The following ZBTB7C variants were observed in gnomAD, a reference collection of about 807,000 sequenced individuals.
The protein encoded by ZBTB7C is zinc finger and BTB domain containing 7C.
A neutral mutation model predicts 25.7 loss-of-function variants in ZBTB7C; 8 were observed. The observed-to-expected ratio is 0.31, with a 90% CI of 0.18 to 0.56. The LOEUF (loss-of-function observed/expected upper bound fraction) is 0.56. ZBTB7C is among the 20% of genes least tolerant of loss of function. ZBTB7C has a pLI of 0.91. For missense variants in ZBTB7C, 824 were observed against 855.2 expected, an observed-to-expected ratio of 0.96 and a Z score of 0.46; for synonymous variants, 394 against 369.0, an observed-to-expected ratio of 1.07 and a Z score of -0.78.
intron 2 of ZBTB7C, among the ~76,000 whole-genome samples, chr18:48,260,628 G>T (rs1412541603): frequency 1.3e-5 from 2 of 152,194 alleles, no homozygotes; most frequent in Non-Finnish European, 2.9e-5. Context: ...CCACTCAAAA[G>T]CTCCCTTCCG....
At chr18:48,264,289 TAA>T (rs2044250266) in intron 2 of ZBTB7C, among the ~76,000 whole-genome samples, 1 of 152,192 alleles carries the variant, frequency 6.6e-6, no homozygotes, top group Non-Finnish European at 1.5e-5. Context: ...GCTCATTGTT[TAA>T]AATGACCACA....
At chr18:48,271,372 A>G (rs976012934) in intron 2 of ZBTB7C, among the ~76,000 whole-genome samples, 4 of 152,018 alleles carry the variant, frequency 2.6e-5, no homozygotes, top group South Asian at 2.1e-4. Flanking sequence ...TTAGCAATGC[A>G]TCAAAATTAC....
intron 2 of ZBTB7C, among the ~76,000 whole-genome samples, chr18:48,307,529 C>T (rs2045703819): frequency 6.6e-6 from 1 of 152,216 alleles, no homozygotes; most frequent in Admixed American, 6.5e-5. Context: ...CTGTCAGAGC[C>T]TTCTAAGCAA....
At chr18:48,180,386 C>A (rs1229888339) in intron 3 of ZBTB7C, 2 of 456,286 alleles carry the variant, frequency 4.4e-6, no homozygotes, top group Admixed American at 4.7e-5. Context: ...CTGGTGATTA[C>A]CACGGTAATC....
At chr18:48,309,595 C>T (rs973276224) in intron 2 of ZBTB7C, among the ~76,000 whole-genome samples, 5 of 152,146 alleles carry the variant, frequency 3.3e-5, no homozygotes, top group Non-Finnish European at 5.9e-5. Flanking sequence ...TAAAAGGAAA[C>T]GGTACCAAAT....
chr18:48,218,217 T>C lies in ZBTB7C; in HGVS notation c.-78-32222A>G, dbSNP rs527236893. ...TCTCCTGCCACCCTCACCCCAGGCC[T>C]GCACAGTCAGGGTGACAGCCCATTC... On this transcript the variant is annotated intron_variant, in intron 2 of 4. Transcript: ENST00000590800. 1.4e-4 allele frequency among the ~76,000 whole-genome samples: 22 copies of C among 152,318 alleles called. 1 individual carries two copies. The South Asian group carries it at 4.6e-3, about 32-fold the overall frequency.
intron 2 of ZBTB7C, among the ~76,000 whole-genome samples, chr18:48,272,276 G>A (rs577622201): frequency 6.6e-6 from 1 of 152,320 alleles, no homozygotes; most frequent in East Asian, 1.9e-4. Context: ...GGTGCAGGAA[G>A]GGTGAATTTG....
At chr18:48,190,691 G>A (rs1025966451) in intron 2 of ZBTB7C, among the ~76,000 whole-genome samples, 3 of 152,198 alleles carry the variant, frequency 2.0e-5, no homozygotes, top group Admixed American at 6.5e-5. Flanking sequence ...AGCGACTGTG[G>A]GCTTCAGTGC....
At chr18:48,162,389 T>C (rs1014902760) in intron 3 of ZBTB7C, 1 of 456,504 alleles carries the variant, frequency 2.2e-6, no homozygotes, top group Non-Finnish European at 4.4e-6. Flanking sequence ...TATGCCTCAG[T>C]TGTTGCATCT....
In ZBTB7C at chr18:48,040,247, C is replaced by T. The variant is rs754264062; in HGVS notation, c.861G>A (p.Arg287=). ...CCTCCTTCTCCTCCTCCTTGATCTTCCGATTCTTGATGACCAGATCCAGTG... is the reference window on the plus strand; with the variant it reads ...CCTCCTTCTCCTCCTCCTTGATCTTTCGATTCTTGATGACCAGATCCAGTG... ...SGPLDLVIKN[R]KIKEEEKEEL... The change falls in exon 4 of 5, where the codon CGG becomes CGA. Residue 287 remains arginine, a synonymous_variant. Transcript: ENST00000590800. 1.3e-5 allele frequency: 21 copies of T among 1,563,036 alleles called. No homozygotes were observed. The Admixed American group carries it at 4.0e-4, about 30-fold the overall frequency.
chr18:48,346,301 T>C (rs1330112887), intron 1 of ZBTB7C, among the ~76,000 whole-genome samples: 1 of 152,264 alleles, frequency 6.6e-6, no homozygotes, highest in South Asian at 2.1e-4. Flanking sequence ...CAAGGCTCTT[T>C]GCCATGCTGA....
chr18:48,223,188 G>A (rs964383235), intron 2 of ZBTB7C, among the ~76,000 whole-genome samples: 7 of 152,140 alleles, frequency 4.6e-5, no homozygotes, highest in African/African-American at 1.7e-4. Context: ...GATGGGCAAG[G>A]TGCAGGAACA....
chr18:48,228,589 G>A (rs1734920370), intron 2 of ZBTB7C, among the ~76,000 whole-genome samples: 1 of 152,050 alleles, frequency 6.6e-6, no homozygotes, highest in Non-Finnish European at 1.5e-5. Flanking sequence ...GCTGCAGCAG[G>A]AAGAAGGGCA....
chr18:48,125,993 C>T (rs114470215), intron 3 of ZBTB7C, among the ~76,000 whole-genome samples: 2,848 of 152,266 alleles, frequency 0.019, 81 homozygotes, highest in African/African-American at 0.064. Context: ...AGAAGCACTG[C>T]GCACCGTGCA....
At chr18:48,273,406 AC>A (rs1301784097) in intron 2 of ZBTB7C, among the ~76,000 whole-genome samples, 2 of 152,108 alleles carry the variant, frequency 1.3e-5, no homozygotes, top group East Asian at 3.8e-4. Context: ...ATAAACATAA[AC>A]TTGGTATATG....
intron 1 of ZBTB7C, among the ~76,000 whole-genome samples, chr18:48,366,108 A>G (rs1471038104): frequency 6.6e-6 from 1 of 152,204 alleles, no homozygotes; most frequent in African/African-American, 2.4e-5. Flanking sequence ...TGGCTCTGAG[A>G]TTACCTCAAT....
At chr18:48,083,420 C>T (rs912712637) in intron 3 of ZBTB7C, among the ~76,000 whole-genome samples, 22 of 152,122 alleles carry the variant, frequency 1.4e-4, no homozygotes, top group African/African-American at 4.3e-4. Context: ...TTTAGCCCCT[C>T]GTCCCCTGCC....
intron 3 of ZBTB7C, among the ~76,000 whole-genome samples, chr18:48,122,470 G>A (rs924686293): frequency 3.3e-5 from 5 of 152,134 alleles, no homozygotes; most frequent in Non-Finnish European, 7.4e-5. Flanking sequence ...TCCTGCCCAC[G>A]TGCAAGCTCC....
chr18:48,393,186 A>C (rs2047941685), intron 1 of ZBTB7C, among the ~76,000 whole-genome samples: 1 of 152,102 alleles, frequency 6.6e-6, no homozygotes, highest in African/African-American at 2.4e-5. Flanking sequence ...GTGGGACTCG[A>C]GTGGAATCAA....
Sources: allele counts gnomAD v4.1 joint callset (sites outside exome capture counted in the v4.1 genomes callset), GRCh38; gene constraint gnomAD v4.1.1; transcripts MANE v1.5; gene names NCBI Gene and HGNC (gene_info 2026-07-23, HGNC 2026-07-21).